The following PLEKHA5 variants were observed in gnomAD, a reference collection of about 807,000 sequenced individuals.
PLEKHA5 encodes the protein pleckstrin homology domain-containing family A member 5.
Under a neutral mutation model 181.9 loss-of-function variants are expected in PLEKHA5, and 55 were observed. The observed-to-expected ratio is 0.30, with a 90% CI of 0.24 to 0.38. The LOEUF (loss-of-function observed/expected upper bound fraction) is 0.38. Among genes scored for constraint, PLEKHA5 ranks in the 10% least tolerant of loss-of-function variants. The probability of loss-of-function intolerance (pLI) is 1.00; values close to 1 mark genes in which losing one functional copy is unlikely to be tolerated. For missense variants in PLEKHA5, 1,432 were observed against 1,549.5 expected, an observed-to-expected ratio of 0.92 and a Z score of 1.27; for synonymous variants, 535 against 529.4, an observed-to-expected ratio of 1.01 and a Z score of -0.15.
chr12:19,225,063 G>A (rs1417741913), intron 3 of PLEKHA5, among the ~76,000 whole-genome samples: 3 of 152,154 alleles, frequency 2.0e-5, no homozygotes, highest in African/African-American at 7.2e-5. Context: ...CAACGGGATG[G>A]CAGTTTTAAG....
chr12:19,306,526 G>C (rs1332906227), intron 15 of PLEKHA5: 1 of 739,330 alleles, frequency 1.4e-6, no homozygotes, highest in African/African-American at 1.7e-5. Flanking sequence ...GCAGGAGGGA[G>C]AACGCCGCGA....
Position 19,130,726 on chromosome 12 carries a change from C to T in PLEKHA5, c.169+596C>T, listed in dbSNP as rs2033471364. On this transcript the variant is annotated intron_variant, in intron 2 of 31. Transcript: ENST00000429027. This position sits in a 1 kb window ranked among gnomAD's most constrained non-coding sequence, Gnocchi z 4.5. ...GAGAGGAGTTCGGGGGTGCTGCGATCCTCTCTGTGACAGGGAACGGCTCGG... is the reference window on the plus strand; with the variant it reads ...GAGAGGAGTTCGGGGGTGCTGCGATTCTCTCTGTGACAGGGAACGGCTCGG... The T allele has an allele frequency of 6.6e-6, 1 of 152,454 alleles. No homozygotes were observed. Among genetic ancestry groups the T allele is most frequent in the Non-Finnish European group, 1.5e-5 (1 of 68,234 alleles). 9.4% of individuals were successfully genotyped at this position (152,454 alleles called of 1,614,324 possible). A position where few individuals can be genotyped will look rare whatever the true frequency, so the allele number is the denominator to read the frequency against.
chr12:19,182,273 G>T (rs1016732320), intron 3 of PLEKHA5, among the ~76,000 whole-genome samples: 2 of 151,962 alleles, frequency 1.3e-5, no homozygotes, highest in African/African-American at 4.8e-5. Flanking sequence ...TTGTTTTTTC[G>T]CATCCAAGCG....
chr12:19,353,147 A>ATTTATTTATTTT (rs1288090555), intron 25 of PLEKHA5, among the ~76,000 whole-genome samples: 2 of 148,876 alleles, frequency 1.3e-5, no homozygotes, highest in African/African-American at 5.0e-5. Flanking sequence ...TTTTATTTTT[A>ATTTATTTATTTT]TTTATTTATT....
chr12:19,309,153 T>C (rs2085399019), intron 15 of PLEKHA5, among the ~76,000 whole-genome samples: 1 of 152,174 alleles, frequency 6.6e-6, no homozygotes, highest in Non-Finnish European at 1.5e-5. Context: ...GGACGGTTAT[T>C]ATGCACTAAC....
At chr12:19,205,990 T>C (rs1035509918) in intron 3 of PLEKHA5, among the ~76,000 whole-genome samples, 2 of 152,106 alleles carry the variant, frequency 1.3e-5, no homozygotes, top group Admixed American at 6.6e-5. Flanking sequence ...ATATAAACTA[T>C]TCTAAAATAA....
intron 3 of PLEKHA5, chr12:19,200,237 C>T (rs1200114591): frequency 1.1e-6 from 1 of 882,772 alleles, no homozygotes; most frequent in Non-Finnish European, 1.7e-6. Flanking sequence ...AAGTATCACC[C>T]ATCCCCCTTA....
At chr12:19,368,622 G>A (rs2095496998) in intron 30 of PLEKHA5, among the ~76,000 whole-genome samples, 1 of 151,838 alleles carries the variant, frequency 6.6e-6, no homozygotes, top group Admixed American at 6.6e-5. Flanking sequence ...GAGAAACCCC[G>A]TCTCTACTAA....
chr12:19,135,944 A>G (rs960617903), intron 3 of PLEKHA5, among the ~76,000 whole-genome samples: 20 of 138,430 alleles, frequency 1.4e-4, no homozygotes, highest in African/African-American at 5.5e-4. Flanking sequence ...CAGTGGCTCT[A>G]TCACAACACA....
At chr12:19,185,077 A>T (rs1331257015) in intron 3 of PLEKHA5, among the ~76,000 whole-genome samples, 3 of 151,838 alleles carry the variant, frequency 2.0e-5, no homozygotes, top group African/African-American at 4.8e-5. Flanking sequence ...TTAGAAATGT[A>T]CTTCTTCTCT....
intron 6 of PLEKHA5, among the ~76,000 whole-genome samples, chr12:19,258,218 T>G (rs1249947893): frequency 6.6e-6 from 1 of 152,160 alleles, no homozygotes; most frequent in Non-Finnish European, 1.5e-5. Flanking sequence ...TTCCTTGGAT[T>G]TTGACATCAT....
chr12:19,328,260 G>T (rs549689445), intron 20 of PLEKHA5, among the ~76,000 whole-genome samples: 18 of 152,258 alleles, frequency 1.2e-4, no homozygotes, highest in African/African-American at 3.1e-4. Context: ...GTCAGGTAGT[G>T]TAATGCCTCT....
chr12:19,193,809 G>C (rs1003984527), intron 3 of PLEKHA5, among the ~76,000 whole-genome samples: 8 of 152,158 alleles, frequency 5.3e-5, no homozygotes, highest in Admixed American at 5.2e-4. Flanking sequence ...TGCAAGGATG[G>C]TGCTGGCATT....
At chr12:19,183,496 G>A (rs2049075612) in intron 3 of PLEKHA5, among the ~76,000 whole-genome samples, 1 of 152,122 alleles carries the variant, frequency 6.6e-6, no homozygotes, top group Non-Finnish European at 1.5e-5. Context: ...TATGTTTAGT[G>A]TCACAGAAAC....
At position 19,374,092 on chromosome 12, in the gene PLEKHA5, TC is replaced by T. The variant is rs1172216978; in HGVS notation, c.*12-1438del. On this transcript the variant is annotated intron_variant, in intron 31 of 31. Coordinates refer to ENST00000429027, the MANE Select transcript of PLEKHA5 (RefSeq NM_001256470.2). ...CTTCCTATTATGCATATGCCATCTT[TC>T]TGAACTAGTGGTTTTGGCAGGATTT... Among the ~76,000 whole-genome samples the T allele has an allele frequency of 3.3e-5, 5 of 152,218 alleles. No individual in the cohort carries two copies. The East Asian group carries it at 9.6e-4, about 29-fold the overall frequency.
chr12:19,302,549 C>T (rs766486569), intron 15 of PLEKHA5, among the ~76,000 whole-genome samples: 9 of 152,150 alleles, frequency 5.9e-5, no homozygotes, highest in Non-Finnish European at 1.0e-4. Flanking sequence ...GCGCCCACCA[C>T]CACACCCAGC....
intron 3 of PLEKHA5, among the ~76,000 whole-genome samples, chr12:19,226,399 C>T (rs2059693771): frequency 1.3e-5 from 2 of 152,108 alleles, no homozygotes; most frequent in South Asian, 2.1e-4. Flanking sequence ...TTGCTGTGAA[C>T]ATGTATGTAC....
intron 3 of PLEKHA5, among the ~76,000 whole-genome samples, chr12:19,155,311 T>G (rs1222991375): frequency 6.6e-6 from 1 of 152,190 alleles, no homozygotes; most frequent in Non-Finnish European, 1.5e-5. Flanking sequence ...ATCAAAACAC[T>G]CCTATTATAT....
At chr12:19,336,355 TG>T (rs1301342380) in intron 20 of PLEKHA5, among the ~76,000 whole-genome samples, 159 bp from the exon 21 acceptor site, 1 of 152,326 alleles carries the variant, frequency 6.6e-6, no homozygotes, top group Admixed American at 6.5e-5. Context: ...AAATTTTTGT[TG>T]AATTGAGTTT....
Sources: allele counts gnomAD v4.1 joint callset (sites outside exome capture counted in the v4.1 genomes callset), GRCh38; gene constraint gnomAD v4.1.1; non-coding constraint Gnocchi (gnomAD v3.1); transcripts MANE v1.5; gene names NCBI Gene and HGNC (gene_info 2026-07-23, HGNC 2026-07-21).